Variants in SMC6 observed in about 807,000 individuals in gnomAD.
The protein encoded by SMC6 is structural maintenance of chromosomes protein 6.
Under a neutral mutation model 142.2 loss-of-function variants are expected in SMC6, and 79 were observed. The observed-to-expected ratio is 0.56, with a 90% CI of 0.46 to 0.67. SMC6 has a LOEUF of 0.67. Among genes scored for constraint, SMC6 ranks in the 30% least tolerant of loss-of-function variants. SMC6 has a pLI of 0.00. For missense variants in SMC6, 1,072 were observed against 1,284.0 expected (o/e 0.83, Z 2.52); for synonymous variants, 411 against 412.4 (o/e 1.00, Z 0.04).
In SMC6 at chr2:17,666,633, A is replaced by T. The variant is rs1666508421; in HGVS notation, c.3064-116T>A. The T allele has an allele frequency of 7.2e-6, 5 of 698,002 alleles. No individual in the cohort carries two copies. The East Asian group carries it at 1.1e-4, about 15-fold the overall frequency. 43.2% of individuals were successfully genotyped at this position (698,002 alleles called of 1,614,324 possible). On this transcript the variant is annotated intron_variant, in intron 26 of 27. Coordinates refer to ENST00000448223, the MANE Select transcript of SMC6 (RefSeq NM_001142286.2). The stretch of plus-strand genomic sequence containing the variant: ...TTTTCATCCAGGGATCAGTCATTAC[A>T]TTATCTATGATGTCCAAGAAATCTA...
chr2:17,691,987 C>T (rs1667755395), intron 23 of SMC6, among the ~76,000 whole-genome samples: 1 of 152,106 alleles, frequency 6.6e-6, no homozygotes, highest in African/African-American at 2.4e-5. Flanking sequence ...ACCTAGGAAT[C>T]CAACTTACAA....
intron 1 of SMC6, 93 bp from the exon 2 acceptor site, chr2:17,753,157 G>A (rs1240033398): frequency 7.1e-6 from 2 of 282,630 alleles, no homozygotes; most frequent in Non-Finnish European, 1.1e-5. Context: ...TCGTAAAACT[G>A]GGCTTTAATG....
At position 17,670,488 on chromosome 2, in the gene SMC6, T is replaced by C; in HGVS notation, c.2998A>G (p.Ile1000Val). Residue 1000 changes from isoleucine (I) to valine (V), a missense_variant, in exon 26 of 28, where the codon ATT becomes GTT. Transcript: ENST00000448223. ...TCTGCGATGGACCACAGGGAAAGAA[T>C]AAAACACACTGTGGAGAAAGAACGT... ...GERSFSTVCFILSLWSIAESP... is the reference protein window; with the variant it reads ...GERSFSTVCFVLSLWSIAESP... The C allele has an allele frequency of 1.9e-6, 3 of 1,611,960 alleles. No individual in the cohort carries two copies. Among genetic ancestry groups the C allele is most frequent in the Non-Finnish European group, 2.5e-6 (3 of 1,179,402 alleles).
At position 17,717,234 on chromosome 2, in the gene SMC6, G is replaced by A. The variant is rs113793017; in HGVS notation, c.1093-58C>T. The A allele has an allele frequency of 1.5e-4, 191 of 1,238,286 alleles. No homozygotes were observed. In the East Asian group the frequency reaches 3.6e-3, roughly 23 times the overall value. The allele number at this position is 1,238,286 out of a possible 1,614,324, so 76.7% of individuals were successfully genotyped here. A position where few individuals can be genotyped will look rare whatever the true frequency, so the allele number is the denominator to read the frequency against. On this transcript the variant is annotated intron_variant, in intron 12 of 27. Transcript: ENST00000448223. Reference sequence around the variant, plus strand: ...ATGAAAACACAAATATCCCATTCACGTCCACTTTTGTCAAATCTTCAGAGG... The same window carrying A: ...ATGAAAACACAAATATCCCATTCACATCCACTTTTGTCAAATCTTCAGAGG...
intron 18 of SMC6, among the ~76,000 whole-genome samples, chr2:17,706,263 G>A (rs1041275745): frequency 6.6e-6 from 1 of 151,948 alleles, no homozygotes; most frequent in African/African-American, 2.4e-5. Flanking sequence ...TCATTCTAAG[G>A]GTTTGCTTCC....
At chr2:17,726,015 G>A (rs1669597814) in intron 8 of SMC6, among the ~76,000 whole-genome samples, 1 of 149,220 alleles carries the variant, frequency 6.7e-6, no homozygotes, top group African/African-American at 2.5e-5. Flanking sequence ...TTAAACCTGA[G>A]GGGTGGAGGC....
chr2:17,693,175 A>G (rs1317378322), intron 23 of SMC6, among the ~76,000 whole-genome samples: 1 of 152,168 alleles, frequency 6.6e-6, no homozygotes, highest in Non-Finnish European at 1.5e-5. Flanking sequence ...TAGAAATACC[A>G]TTTGACCCAG....
intron 25 of SMC6, among the ~76,000 whole-genome samples, chr2:17,672,907 T>C (rs982806392): frequency 1.3e-5 from 2 of 152,232 alleles, no homozygotes; most frequent in East Asian, 3.8e-4. Flanking sequence ...TTTTCAAATA[T>C]ATCTGTTTGA....
chr2:17,687,605 GA>G (rs1429380582), intron 23 of SMC6, among the ~76,000 whole-genome samples: 1 of 152,124 alleles, frequency 6.6e-6, no homozygotes, highest in Non-Finnish European at 1.5e-5. Context: ...ATGAAAGATA[GA>G]AAATAAAAAA....
intron 23 of SMC6, 24 bp from the exon 24 acceptor site, chr2:17,683,787 G>A (rs374179306): frequency 1.5e-5 from 24 of 1,593,822 alleles, no homozygotes; most frequent in South Asian, 6.7e-5. Context: ...AAAATATTAC[G>A]TAAAAAATAC....
intron 3 of SMC6, among the ~76,000 whole-genome samples, chr2:17,743,041 G>T (rs1243474685): frequency 6.6e-6 from 1 of 152,092 alleles, no homozygotes; most frequent in Non-Finnish European, 1.5e-5. Flanking sequence ...GTAGCCTCTT[G>T]GGACTGGCTT....
chr2:17,711,599 A>C (rs1191631719), intron 16 of SMC6, among the ~76,000 whole-genome samples: 2 of 152,164 alleles, frequency 1.3e-5, no homozygotes, highest in Non-Finnish European at 2.9e-5. Flanking sequence ...AATATAGGAA[A>C]AAAACATGAT....
chr2:17,703,380 T>G (rs1490011574), intron 18 of SMC6, 88 bp from the exon 19 acceptor site: 22 of 1,195,888 alleles, frequency 1.8e-5, no homozygotes, highest in Non-Finnish European at 2.4e-5. Flanking sequence ...AAAGCCTTAT[T>G]TATAGTAAGT....
At chr2:17,740,757 G>C in intron 4 of SMC6, 1 of 438,700 alleles carries the variant, frequency 2.3e-6, no homozygotes, top group South Asian at 1.6e-5. Flanking sequence ...GGCTGAAACA[G>C]GAGAATCGCT....
intron 24 of SMC6, chr2:17,680,846 A>G (rs1435092275): frequency 6.6e-6 from 1 of 152,194 alleles, no homozygotes; most frequent in East Asian, 1.9e-4. Context: ...GATTTTCAGA[A>G]TGGTAAATAA....
chr2:17,711,903 G>C, intron 16 of SMC6, among the ~76,000 whole-genome samples: 1 of 152,164 alleles, frequency 6.6e-6, no homozygotes, highest in Non-Finnish European at 1.5e-5. Flanking sequence ...ACAGGTGTGA[G>C]CCACCGTGAC....
chr2:17,728,293 G>A (rs922371567), intron 7 of SMC6, among the ~76,000 whole-genome samples: 7 of 152,076 alleles, frequency 4.6e-5, no homozygotes, highest in African/African-American at 1.4e-4. Context: ...AAAATTAGCC[G>A]GGTGTAATGG....
chr2:17,680,125 C>T (rs1319822818), intron 24 of SMC6: 1 of 152,066 alleles, frequency 6.6e-6, no homozygotes, highest in African/African-American at 2.4e-5. Flanking sequence ...AGACTGTTGT[C>T]ATAAAATGGC....
At chr2:17,698,772 T>C (rs1668129507) in intron 21 of SMC6, among the ~76,000 whole-genome samples, 2 of 152,070 alleles carry the variant, frequency 1.3e-5, no homozygotes, top group South Asian at 4.1e-4. Context: ...TCCTGCCCCA[T>C]GTGGTTACTC....
Sources: gnomAD v4.1 joint callset for allele counts (sites outside exome capture counted in the v4.1 genomes callset) on GRCh38, gnomAD v4.1.1 for gene constraint, MANE v1.5 for transcripts, NCBI Gene and HGNC (gene_info 2026-07-23, HGNC 2026-07-21) for gene names.